The following KLHL1 variants were observed in gnomAD, a reference collection of about 807,000 sequenced individuals.
KLHL1 encodes the protein kelch-like protein 1.
KLHL1 carries 47 observed loss-of-function variants against 77.7 expected under a neutral mutation model. The ratio of observed to expected loss-of-function variants is 0.60; its 90% CI spans 0.48 to 0.77. The LOEUF (loss-of-function observed/expected upper bound fraction) is 0.77, where lower values mean the gene tolerates loss of function less well. Among genes scored for constraint, KLHL1 ranks in the 30% least tolerant of loss-of-function variants. The pLI is 0.00. For missense variants in KLHL1, 925 were observed against 910.8 expected (o/e 1.02, Z -0.20); for synonymous variants, 360 against 325.2 (o/e 1.11, Z -1.15).
At chr13:69,758,260 G>T (rs572382499) in intron 7 of KLHL1, among the ~76,000 whole-genome samples, 9 of 151,828 alleles carry the variant, frequency 5.9e-5, no homozygotes, top group Admixed American at 2.6e-4. Context: ...TTTTATATTA[G>T]TGTATTATCA....
intron 1 of KLHL1, among the ~76,000 whole-genome samples, chr13:70,096,181 T>A (rs935624456): frequency 7.9e-5 from 12 of 152,138 alleles, no homozygotes; most frequent in Admixed American, 2.6e-4. Context: ...TACAATAAAC[T>A]GCTTTCCTTC....
chr13:69,757,371 CAT>C (rs534333587), intron 7 of KLHL1, among the ~76,000 whole-genome samples: 117 of 152,118 alleles, frequency 7.7e-4, no homozygotes, highest in African/African-American at 2.5e-3. Context: ...TATATCAAGA[CAT>C]ATTCAAATTT....
chr13:69,988,090 G>T (rs967972069), intron 1 of KLHL1, among the ~76,000 whole-genome samples: 101 of 150,582 alleles, frequency 6.7e-4, no homozygotes, highest in African/African-American at 2.2e-3. Flanking sequence ...GCTTTTTTTT[G>T]GCGGGGGGAA....
intron 9 of KLHL1, among the ~76,000 whole-genome samples, chr13:69,716,071 C>A (rs546984894): frequency 4.3e-4 from 65 of 152,226 alleles, no homozygotes; most frequent in African/African-American, 1.4e-3. Flanking sequence ...TTATGATATT[C>A]TGGGTCATAA....
At chr13:70,033,336 C>T (rs959206615) in intron 1 of KLHL1, among the ~76,000 whole-genome samples, 3 of 152,100 alleles carry the variant, frequency 2.0e-5, no homozygotes, top group Non-Finnish European at 4.4e-5. Flanking sequence ...GTCGCCCAGG[C>T]TGGAGGGCAG....
At chr13:70,074,593 T>A (rs1175376215) in intron 1 of KLHL1, among the ~76,000 whole-genome samples, 3 of 152,018 alleles carry the variant, frequency 2.0e-5, no homozygotes, top group African/African-American at 7.3e-5. Context: ...AAATGTAGGG[T>A]TAAACAATGA....
chr13:70,094,393 T>TTATTTATATATATATATATATATATATA (rs1887738883), intron 1 of KLHL1, among the ~76,000 whole-genome samples: 1 of 137,148 alleles, frequency 7.3e-6, no homozygotes, highest in African/African-American at 3.2e-5. Context: ...GCAATCATCT[T>TTATTTATATATATATATATATATATATA]TATATATATA....
chr13:70,096,783 T>C (rs75389943), intron 1 of KLHL1, among the ~76,000 whole-genome samples: 3,832 of 152,024 alleles, frequency 0.025, 112 homozygotes, highest in African/African-American at 0.071. Flanking sequence ...CAGATAGTCT[T>C]AAAGGAGAGA....
chr13:69,809,831 T>C (rs965857779), intron 6 of KLHL1, among the ~76,000 whole-genome samples: 6 of 150,548 alleles, frequency 4.0e-5, no homozygotes, highest in South Asian at 2.1e-4. Flanking sequence ...ATGAGAGCCA[T>C]AGGTTCAAAG....
chr13:69,909,209 A>C (rs2138240254), intron 4 of KLHL1, among the ~76,000 whole-genome samples: 1 of 151,872 alleles, frequency 6.6e-6, no homozygotes, highest in Middle Eastern at 3.4e-3. Flanking sequence ...TTAGATGCTT[A>C]CTTGTCATAT....
At chr13:69,982,935 A>G (rs1220661670) in intron 1 of KLHL1, among the ~76,000 whole-genome samples, 1 of 152,184 alleles carries the variant, frequency 6.6e-6, no homozygotes, top group African/African-American at 2.4e-5. Flanking sequence ...CTGTTTGCAG[A>G]TGATATGATT....
At chr13:69,960,912 C>T (rs756469258) in intron 3 of KLHL1, among the ~76,000 whole-genome samples, 2 of 151,946 alleles carry the variant, frequency 1.3e-5, no homozygotes, top group Admixed American at 6.6e-5. Context: ...AAAATTTTTA[C>T]GTTAAAGTAA....
intron 1 of KLHL1, among the ~76,000 whole-genome samples, chr13:70,007,450 A>C (rs1290945530): frequency 1.3e-5 from 2 of 151,960 alleles, no homozygotes; most frequent in African/African-American, 4.8e-5. Flanking sequence ...ATCTCAAAAA[A>C]AAAAACACAA....
intron 4 of KLHL1, among the ~76,000 whole-genome samples, chr13:69,923,692 T>C (rs1882716814): frequency 6.6e-6 from 1 of 152,184 alleles, no homozygotes; most frequent in African/African-American, 2.4e-5. Context: ...GACAATATAG[T>C]ACTGATGAAT....
rs565040475 is a variant in KLHL1, at chr13:69,892,007, A to T, written c.1015-9512T>A. On this transcript the variant is annotated intron_variant, in intron 4 of 10. Coordinates refer to ENST00000377844, the MANE Select transcript of KLHL1 (RefSeq NM_020866.3). Reference sequence around the variant, plus strand: ...ATATGTTAATTACTTTGCAAAGTTTAAACATGCATGTATAAATTATTAGAG... The same window carrying T: ...ATATGTTAATTACTTTGCAAAGTTTTAACATGCATGTATAAATTATTAGAG... 3.9e-5 allele frequency among the ~76,000 whole-genome samples: 6 copies of T among 152,238 alleles called. No homozygotes were observed. In the South Asian group the frequency reaches 1.2e-3, roughly 32 times the overall value.
chr13:69,944,810 T>C (rs924414954), intron 3 of KLHL1, among the ~76,000 whole-genome samples: 12 of 152,054 alleles, frequency 7.9e-5, no homozygotes, highest in Non-Finnish European at 1.6e-4. Flanking sequence ...ATTTTAAGAC[T>C]GATTACAAAG....
intron 5 of KLHL1, among the ~76,000 whole-genome samples, chr13:69,876,177 T>C (rs112370731): frequency 3.3e-5 from 5 of 152,298 alleles, no homozygotes; most frequent in African/African-American, 1.2e-4. Flanking sequence ...AAATATAACG[T>C]ATAAATTTCT....
rs71116988 is a variant in KLHL1, at chr13:70,084,622, C to CTTTTTTTTTTTTTTTTTTTTTTT, written c.497+22558_497+22580dup. 1.9e-3 allele frequency among the ~76,000 whole-genome samples: 28 copies of CTTTTTTTTTTTTTTTTTTTTTTT among 14,952 alleles called. 8 individuals are homozygous for CTTTTTTTTTTTTTTTTTTTTTTT. The highest frequency in any genetic ancestry group is 2.4e-3 in the African/African-American group (7 of 2,904). The allele number at this position is 14,952 out of a possible 152,430, so 9.8% of individuals were successfully genotyped here. On this transcript the variant is annotated intron_variant, in intron 1 of 10. Coordinates refer to ENST00000377844, the MANE Select transcript of KLHL1 (RefSeq NM_020866.3). ...TACAGGCACCTGCCACCACGCCAGG[C>CTTTTTTTTTTTTTTTTTTTTTTT]TTTTTTTTTTTTTTTTTTTTTTTTT... is the stretch of plus-strand genomic sequence containing the variant.
At chr13:69,704,539 C>T (rs553652847) in intron 10 of KLHL1, among the ~76,000 whole-genome samples, 1 of 151,818 alleles carries the variant, frequency 6.6e-6, no homozygotes, top group South Asian at 2.1e-4. Context: ...AGCTATTACT[C>T]ATTTGTCAGG....
Sources: gnomAD v4.1 joint callset for allele counts (sites outside exome capture counted in the v4.1 genomes callset) on GRCh38, gnomAD v4.1.1 for gene constraint, MANE v1.5 for transcripts, NCBI Gene and HGNC (gene_info 2026-07-23, HGNC 2026-07-21) for gene names.